SLC39A11: variants seen among roughly 807,000 people sequenced by gnomAD.
The protein encoded by SLC39A11 is solute carrier family 39 member 11.
In SLC39A11, 33 loss-of-function variants were observed where a neutral mutation model predicts 36.1. The ratio of observed to expected loss-of-function variants is 0.91; its 90% CI spans 0.69 to 1.22. The LOEUF is 1.22. Among genes scored for constraint, SLC39A11 ranks in the 50% most tolerant of loss-of-function variants. The pLI, the probability that SLC39A11 is intolerant of heterozygous loss-of-function variation, is 0.00. For synonymous variants in SLC39A11, 166 were observed against 170.3 expected, an observed-to-expected ratio of 0.97 and a Z score of 0.20; for missense variants, 432 against 430.3, an observed-to-expected ratio of 1.00 and a Z score of -0.03.
intron 5 of SLC39A11, among the ~76,000 whole-genome samples, chr17:72,871,690 C>G (rs1037008576): frequency 1.1e-4 from 17 of 152,172 alleles, no homozygotes; most frequent in Admixed American, 1.1e-3. Context: ...AGGCCTTGTC[C>G]TGTGTGTCTC....
Position 72,729,431 on chromosome 17 carries a change from ATATATATATATATATATATATATATATTT to A in SLC39A11, c.671+7190_671+7218del, listed in dbSNP as rs1276810597. On this transcript the variant is annotated intron_variant, in intron 7 of 9. Coordinates refer to ENST00000255559, the MANE Select transcript of SLC39A11 (RefSeq NM_139177.4). ...TATATATATATATATATATATATAT[ATATATATATATATATATATATATATATTT>A]TTTTTTTTTTTTTTTTTTGTAGAGA... 9.0e-3 allele frequency among the ~76,000 whole-genome samples: 49 copies of A among 5,426 alleles called. 7 individuals are homozygous for A. Among genetic ancestry groups the A allele is most frequent in the African/African-American group, 0.015 (11 of 756 alleles). The allele number at this position is 5,426 out of a possible 152,430, so 3.6% of individuals were successfully genotyped here.
intron 3 of SLC39A11, among the ~76,000 whole-genome samples, chr17:73,058,297 C>G (rs2059734490): frequency 6.6e-6 from 1 of 152,152 alleles, no homozygotes; most frequent in African/African-American, 2.4e-5. Flanking sequence ...GATTTAACCC[C>G]CTTGCTAGAA....
chr17:72,978,464 CAG>C (rs2088029404), intron 4 of SLC39A11, among the ~76,000 whole-genome samples: 1 of 152,174 alleles, frequency 6.6e-6, no homozygotes, highest in South Asian at 2.1e-4. Context: ...AGGAAATAAA[CAG>C]AGAAAGCCAC....
chr17:73,049,307 C>G (rs771464156), intron 3 of SLC39A11, among the ~76,000 whole-genome samples: 1 of 152,122 alleles, frequency 6.6e-6, no homozygotes, highest in Non-Finnish European at 1.5e-5. Context: ...GAGCGCTATG[C>G]GAAAGGATGC....
intron 6 of SLC39A11, among the ~76,000 whole-genome samples, chr17:72,791,569 A>G (rs1175374358): frequency 6.6e-6 from 1 of 152,164 alleles, no homozygotes; most frequent in Non-Finnish European, 1.5e-5. Flanking sequence ...TTAAGTCTTT[A>G]TAGACATTAT....
At chr17:73,064,775 T>C (rs2144341078) in intron 3 of SLC39A11, among the ~76,000 whole-genome samples, 1 of 152,258 alleles carries the variant, frequency 6.6e-6, no homozygotes, top group African/African-American at 2.4e-5. Context: ...TCCAACCCTG[T>C]AGCCAGCAAA....
At chr17:72,672,367 T>G (rs978502880) in intron 7 of SLC39A11, among the ~76,000 whole-genome samples, 1 of 152,178 alleles carries the variant, frequency 6.6e-6, no homozygotes, top group Non-Finnish European at 1.5e-5. Context: ...GAAAGTAGCT[T>G]GAACCCAGGA....
chr17:72,993,555 G>A (rs1034453849), intron 4 of SLC39A11, among the ~76,000 whole-genome samples: 6 of 152,142 alleles, frequency 3.9e-5, no homozygotes, highest in African/African-American at 7.2e-5. Flanking sequence ...TTTTGGAGGC[G>A]ATTCCACTGG....
At chr17:72,675,842 G>T (rs146538946) in intron 7 of SLC39A11, among the ~76,000 whole-genome samples, 1 of 152,118 alleles carries the variant, frequency 6.6e-6, no homozygotes, top group African/African-American at 2.4e-5. Flanking sequence ...ACCATGCCTG[G>T]CTAATTTTGT....
chr17:72,998,845 G>A (rs552415719), intron 4 of SLC39A11, among the ~76,000 whole-genome samples: 1 of 152,306 alleles, frequency 6.6e-6, no homozygotes, highest in African/African-American at 2.4e-5. Context: ...GAGGAGTCCC[G>A]TTCTGAGAGG....
In SLC39A11 at chr17:72,865,673, G is replaced by T. The variant is rs150893364; in HGVS notation, c.431-15869C>A. ...AGGACTGACGTTAAAAAGCTGAAAG[G>T]TCTAAGAGAAATCAGCACTCCATGC... On this transcript the variant is annotated intron_variant, in intron 5 of 9. Transcript: ENST00000255559. 1.8e-3 allele frequency among the ~76,000 whole-genome samples: 281 copies of T among 151,924 alleles called. 2 individuals are homozygous for T. Among genetic ancestry groups the T allele is most frequent in the African/African-American group, 6.4e-3 (265 of 41,416 alleles).
At chr17:72,715,572 C>G (rs767006690) in intron 7 of SLC39A11, among the ~76,000 whole-genome samples, 7 of 152,208 alleles carry the variant, frequency 4.6e-5, no homozygotes, top group Non-Finnish European at 1.0e-4. Flanking sequence ...GATGCCACTT[C>G]TATGAGGTCC....
At chr17:72,823,025 T>C (rs2077862286) in intron 6 of SLC39A11, among the ~76,000 whole-genome samples, 1 of 151,250 alleles carries the variant, frequency 6.6e-6, no homozygotes, top group African/African-American at 2.4e-5. Flanking sequence ...CATGAGCCAC[T>C]GTGCCTGGTC....
At chr17:72,679,927 A>T (rs1469968421) in intron 7 of SLC39A11, among the ~76,000 whole-genome samples, 1 of 151,462 alleles carries the variant, frequency 6.6e-6, no homozygotes, top group Non-Finnish European at 1.5e-5. Flanking sequence ...CTGTAGTCCC[A>T]GCTACTTGGG....
At chr17:72,814,686 G>A (rs967669280) in intron 6 of SLC39A11, among the ~76,000 whole-genome samples, 2 of 152,222 alleles carry the variant, frequency 1.3e-5, no homozygotes, top group African/African-American at 2.4e-5. Context: ...CGAGAGATCA[G>A]CCTGCAAGGA....
At chr17:72,718,435 T>C (rs1298377335) in intron 7 of SLC39A11, among the ~76,000 whole-genome samples, 1 of 152,100 alleles carries the variant, frequency 6.6e-6, no homozygotes, top group Non-Finnish European at 1.5e-5. Flanking sequence ...CAAGACTCCA[T>C]CTCAGGGGAA....
intron 4 of SLC39A11, among the ~76,000 whole-genome samples, chr17:72,965,510 T>A (rs573833183): frequency 5.3e-5 from 8 of 152,338 alleles, no homozygotes; most frequent in Non-Finnish European, 5.9e-5. Flanking sequence ...AACACCTTAT[T>A]ATAAACTAGG....
intron 5 of SLC39A11, among the ~76,000 whole-genome samples, chr17:72,917,791 T>A (rs895525796): frequency 5.9e-5 from 9 of 152,212 alleles, no homozygotes; most frequent in African/African-American, 2.2e-4. Flanking sequence ...AGGTCAGGAT[T>A]AATGAGTGAA....
At chr17:72,693,875 G>C (rs1218815620) in intron 7 of SLC39A11, among the ~76,000 whole-genome samples, 1 of 152,156 alleles carries the variant, frequency 6.6e-6, no homozygotes, top group Non-Finnish European at 1.5e-5. Flanking sequence ...TGTTGGCCAG[G>C]CTGGTCTCGA....
Sources: gnomAD v4.1 joint callset for allele counts (sites outside exome capture counted in the v4.1 genomes callset) on GRCh38, gnomAD v4.1.1 for gene constraint, MANE v1.5 for transcripts, NCBI Gene and HGNC (gene_info 2026-07-23, HGNC 2026-07-21) for gene names.